IL1R1: variants seen among roughly 807,000 people sequenced by gnomAD.
IL1R1 encodes the protein interleukin-1 receptor type 1.
IL1R1 carries 22 observed loss-of-function variants against 50.2 expected under a neutral mutation model. That is an observed-to-expected ratio of 0.44 (90% CI 0.31 to 0.63). The LOEUF (loss-of-function observed/expected upper bound fraction) is 0.63, where lower values mean the gene tolerates loss of function less well. IL1R1 is among the 20% of genes least tolerant of loss of function. The pLI is 0.07. For missense variants in IL1R1, 509 were observed against 676.2 expected, an observed-to-expected ratio of 0.75 and a Z score of 2.74; for synonymous variants, 251 against 236.7, an observed-to-expected ratio of 1.06 and a Z score of -0.55.
At position 102,175,523 on chromosome 2, in the gene IL1R1, C is replaced by T; in HGVS notation, c.1181C>T (p.Thr394Ile). 6.2e-7 allele frequency: 1 copy of T among 1,613,462 alleles called. No homozygotes were observed. Among genetic ancestry groups the T allele is most frequent in the Non-Finnish European group, 8.5e-7 (1 of 1,179,470 alleles). The change falls in exon 11 of 12, where the codon ACT (threonine) becomes ATT (isoleucine). Residue 394 changes from threonine to isoleucine, a missense_variant. Thr to Ile is a moderately conservative substitution (Grantham distance 89, BLOSUM62 -1). Transcript: ENST00000410023. ...GACGCATATATACTGTATCCAAAGACTGTTGGGGAAGGGTCTACCTCTGAC... is the reference window on the plus strand; with the variant it reads ...GACGCATATATACTGTATCCAAAGATTGTTGGGGAAGGGTCTACCTCTGAC... ...TYDAYILYPK[T>I]VGEGSTSDCD...
chr2:102,085,251 A>T (rs1360408519), intron 1 of IL1R1, among the ~76,000 whole-genome samples: 2 of 152,182 alleles, frequency 1.3e-5, no homozygotes. Context: ...TTCTTTGATT[A>T]TTAGAATATT....
chr2:102,131,720 A>G (rs1399117414), intron 1 of IL1R1, among the ~76,000 whole-genome samples: 1 of 152,156 alleles, frequency 6.6e-6, no homozygotes, highest in East Asian at 1.9e-4. Context: ...GAAAATTTCA[A>G]GTCACCAAAT....
chr2:102,115,056 G>A (rs1336398897), intron 1 of IL1R1, among the ~76,000 whole-genome samples: 1 of 152,152 alleles, frequency 6.6e-6, no homozygotes, highest in Non-Finnish European at 1.5e-5. Flanking sequence ...TGTCAACCCT[G>A]GCTGCATATT....
chr2:102,171,903 G>C lies in IL1R1; in HGVS notation c.824G>C (p.Gly275Ala). The C allele has an allele frequency of 6.3e-7, 1 of 1,577,820 alleles. No individual in the cohort carries two copies. Among genetic ancestry groups the C allele is most frequent in the Non-Finnish European group, 8.7e-7 (1 of 1,150,584 alleles). ...SVIDEDDPVL[G>A]EDYYSVENPA... ...ATTGATGAAGATGACCCAGTGCTAG[G>C]GGAAGACTATTACAGGTATGTATGC... The change falls in exon 8 of 12, where the codon GGG becomes GCG. Residue 275 changes from glycine (G) to alanine (A), a missense_variant. Transcript: ENST00000410023.
chr2:102,157,205 A>G (rs1178027401), intron 2 of IL1R1, among the ~76,000 whole-genome samples: 1 of 152,146 alleles, frequency 6.6e-6, no homozygotes, highest in Admixed American at 6.5e-5. Context: ...GTGCATTTCT[A>G]TGTAGCTATA....
intron 1 of IL1R1, among the ~76,000 whole-genome samples, chr2:102,112,333 T>TGTGTGTGA (rs1250322101): frequency 3.3e-5 from 5 of 150,698 alleles, no homozygotes; most frequent in African/African-American, 9.7e-5. Context: ...TGTGTGTGTG[T>TGTGTGTGA]GTGTGAGTGT....
chr2:102,115,372 C>T (rs1681011078), intron 1 of IL1R1, among the ~76,000 whole-genome samples: 1 of 152,212 alleles, frequency 6.6e-6, no homozygotes, highest in South Asian at 2.1e-4. Flanking sequence ...CAAGGGCTCT[C>T]TACCTAGTAA....
chr2:102,090,880 G>A (rs1330534886), intron 1 of IL1R1, among the ~76,000 whole-genome samples: 6 of 152,080 alleles, frequency 3.9e-5, no homozygotes, highest in African/African-American at 1.4e-4. Context: ...GCCAAACAAT[G>A]TGTATGAGAG....
At chr2:102,149,364 A>G (rs1189558965) in intron 1 of IL1R1, among the ~76,000 whole-genome samples, 1 of 152,186 alleles carries the variant, frequency 6.6e-6, no homozygotes, top group Non-Finnish European at 1.5e-5. Context: ...TAAATCTCAG[A>G]TTTGGGGCTT....
chr2:102,156,147 C>T (rs1684169878), intron 2 of IL1R1: 1 of 152,552 alleles, frequency 6.6e-6, no homozygotes. Context: ...ATCCTAAAGA[C>T]TTAAAACACA....
rs1683727985 is a variant in IL1R1 at position 102,152,176 on chromosome 2, T to G, written c.-83-1765T>G. Among the ~76,000 whole-genome samples the G allele has an allele frequency of 3.3e-5, 5 of 151,890 alleles. No homozygotes were observed. The South Asian group carries it at 1.0e-3, about 32-fold the overall frequency. ...AAGTATATAAATTCTTAAGTGAAGT[T>G]TCTGGGGCAGAAAAGGAGGGAAAAT... On this transcript the variant is annotated intron_variant, in intron 1 of 11. Coordinates refer to ENST00000410023, the MANE Select transcript of IL1R1 (RefSeq NM_000877.4).
intron 3 of IL1R1, among the ~76,000 whole-genome samples, chr2:102,160,688 T>G (rs1432763840): frequency 1.3e-5 from 2 of 152,136 alleles, no homozygotes; most frequent in Non-Finnish European, 2.9e-5. Context: ...AGGGACAGCC[T>G]CTATGCCCAA....
At chr2:102,122,155 C>G (rs182566762) in intron 1 of IL1R1, among the ~76,000 whole-genome samples, 2 of 152,294 alleles carry the variant, frequency 1.3e-5, no homozygotes, top group East Asian at 3.9e-4. Flanking sequence ...AAAAATGTGT[C>G]CATCTCACAG....
intron 1 of IL1R1, among the ~76,000 whole-genome samples, chr2:102,116,636 A>C (rs1681086646): frequency 6.6e-6 from 1 of 152,218 alleles, no homozygotes; most frequent in Non-Finnish European, 1.5e-5. Flanking sequence ...CACTTTTTCT[A>C]AGTCTGATTT....
At chr2:102,118,874 C>T (rs182224611) in intron 1 of IL1R1, among the ~76,000 whole-genome samples, 32 of 151,854 alleles carry the variant, frequency 2.1e-4, no homozygotes, top group African/African-American at 7.7e-4. Context: ...AAAAATTAGC[C>T]AGGCGTGGTG....
chr2:102,114,188 A>T (rs1680939708), intron 1 of IL1R1, among the ~76,000 whole-genome samples: 1 of 152,206 alleles, frequency 6.6e-6, no homozygotes, highest in South Asian at 2.1e-4. Context: ...TGATTACTGA[A>T]ATGATCAGTA....
upstream of IL1R1, among the ~76,000 whole-genome samples, chr2:102,139,849 G>T (rs1022078628): frequency 6.6e-6 from 1 of 152,200 alleles, no homozygotes; most frequent in African/African-American, 2.4e-5. Context: ...AACCATGAGA[G>T]AATTAAATCT....
In IL1R1 at chr2:102,177,248, G is replaced by T; in HGVS notation, c.*489G>T. 6.2e-6 allele frequency: 1 copy of T among 162,094 alleles called. No individual in the cohort carries two copies. Among genetic ancestry groups the T allele is most frequent in the Non-Finnish European group, 1.4e-5 (1 of 72,738 alleles). 10.0% of individuals were successfully genotyped at this position (162,094 alleles called of 1,614,324 possible). ...GCCACTGCACTCTAGCCTGGCAACA[G>T]AGCAAGACTCCGTCTCAAAAAAAGG... is the stretch of plus-strand genomic sequence containing the variant. On this transcript the variant is annotated 3_prime_UTR_variant, in exon 12 of 12. Coordinates refer to ENST00000410023, the MANE Select transcript of IL1R1 (RefSeq NM_000877.4).
intron 1 of IL1R1, among the ~76,000 whole-genome samples, chr2:102,125,496 A>T (rs1329893295): frequency 6.6e-6 from 1 of 152,164 alleles, no homozygotes; most frequent in Non-Finnish European, 1.5e-5. Context: ...GACAGTCATG[A>T]AGGTATGTTC....
Sources: gnomAD v4.1 joint callset for allele counts (sites outside exome capture counted in the v4.1 genomes callset) on GRCh38, gnomAD v4.1.1 for gene constraint, MANE v1.5 for transcripts, NCBI Gene and HGNC (gene_info 2026-07-23, HGNC 2026-07-21) for gene names.